Variants in XPO4 observed in about 807,000 individuals in gnomAD.
The protein encoded by XPO4 is exportin 4.
Under a neutral mutation model 143.0 loss-of-function variants are expected in XPO4, and 39 were observed. That is an observed-to-expected ratio of 0.27 (90% CI 0.21 to 0.36). The LOEUF (loss-of-function observed/expected upper bound fraction) is 0.36. XPO4 is among the 10% of genes least tolerant of loss of function. The probability of loss-of-function intolerance (pLI) is 1.00; values close to 1 mark genes in which losing one functional copy is unlikely to be tolerated. For synonymous variants in XPO4, 439 were observed against 474.0 expected (o/e 0.93, Z 0.96); for missense variants, 907 against 1,348.0 (o/e 0.67, Z 5.12).
At chr13:20,843,098 G>A (rs1447207568) in intron 5 of XPO4, 50 bp from the exon 6 acceptor site, 2 of 1,498,346 alleles carry the variant, frequency 1.3e-6, no homozygotes, top group Non-Finnish European at 1.8e-6. Flanking sequence ...TATTCAAAAT[G>A]TATCCCCTTT....
intron 22 of XPO4, among the ~76,000 whole-genome samples, chr13:20,785,639 T>A: frequency 6.7e-6 from 1 of 149,728 alleles, no homozygotes; most frequent in Non-Finnish European, 1.5e-5. Context: ...CACTCCAGCC[T>A]GGGTAATAAT....
rs188913496 is a variant in XPO4 at position 20,819,119 on chromosome 13, G to A, written c.1173+2585C>T. On this transcript the variant is annotated intron_variant, in intron 9 of 22. Coordinates refer to ENST00000255305, the MANE Select transcript of XPO4 (RefSeq NM_022459.5). ...ATTACAGGCGTGAGCCACTGAGCCC[G>A]GCCTATACAGGTACTTTTCATGCAG... 3.9e-5 allele frequency among the ~76,000 whole-genome samples: 6 copies of A among 152,222 alleles called. No individual in the cohort carries two copies. The East Asian group carries it at 7.7e-4, about 20-fold the overall frequency.
intron 4 of XPO4, chr13:20,850,456 T>A (rs191925012): frequency 2.0e-5 from 4 of 195,342 alleles, no homozygotes; most frequent in Admixed American, 6.5e-5. Context: ...AATGCAAACA[T>A]GAGACTAGTA....
At chr13:20,870,389 G>A (rs1178637153) in intron 1 of XPO4, among the ~76,000 whole-genome samples, 4 of 151,686 alleles carry the variant, frequency 2.6e-5, no homozygotes, top group African/African-American at 4.8e-5. Context: ...CTGAGATCCC[G>A]CTGCTGCACA....
At chr13:20,870,736 A>AC in intron 1 of XPO4, among the ~76,000 whole-genome samples, 1 of 152,032 alleles carries the variant, frequency 6.6e-6, no homozygotes, top group East Asian at 1.9e-4. Context: ...CCTCAAAAAA[A>AC]AAAAAAACTG....
chr13:20,787,355 C>T (rs1016252612), intron 21 of XPO4, 126 bp downstream of exon 21: 6 of 879,894 alleles, frequency 6.8e-6, no homozygotes, highest in African/African-American at 6.7e-5. Context: ...AAACAGTGAA[C>T]AGGAAGTCAT....
intron 4 of XPO4, chr13:20,852,422 C>T: frequency 3.0e-6 from 3 of 985,318 alleles, no homozygotes; most frequent in Non-Finnish European, 3.6e-6. Context: ...CTTCTTTTTC[C>T]CCAGGCTATC....
At chr13:20,818,360 T>C (rs2059676333) in intron 9 of XPO4, among the ~76,000 whole-genome samples, 1 of 152,214 alleles carries the variant, frequency 6.6e-6, no homozygotes, top group Admixed American at 6.5e-5. Flanking sequence ...GCAAGGTGGC[T>C]TTATGACATG....
intron 6 of XPO4, among the ~76,000 whole-genome samples, chr13:20,832,037 C>A (rs2059859679): frequency 6.6e-6 from 1 of 152,106 alleles, no homozygotes; most frequent in South Asian, 2.1e-4. Context: ...CCACAACAAT[C>A]CTATCTAGCT....
chr13:20,859,296 C>A (rs1300722039), intron 3 of XPO4, among the ~76,000 whole-genome samples: 1 of 151,498 alleles, frequency 6.6e-6, no homozygotes, highest in Non-Finnish European at 1.5e-5. Context: ...CTGAAACCAT[C>A]TCTACTAAAA....
At chr13:20,820,205 T>A (rs948714192) in intron 9 of XPO4, among the ~76,000 whole-genome samples, 7 of 152,356 alleles carry the variant, frequency 4.6e-5, no homozygotes, top group African/African-American at 1.7e-4. Context: ...ACAACACACA[T>A]CTGCTTCTCT....
At chr13:20,819,903 TAGG>T (rs1419712079) in intron 9 of XPO4, among the ~76,000 whole-genome samples, 1 of 152,176 alleles carries the variant, frequency 6.6e-6, no homozygotes, top group African/African-American at 2.4e-5. Context: ...AGATGACATT[TAGG>T]AGGTTTACTC....
At chr13:20,831,266 T>C (rs543051742) in intron 6 of XPO4, among the ~76,000 whole-genome samples, 2 of 152,296 alleles carry the variant, frequency 1.3e-5, no homozygotes, top group Admixed American at 6.5e-5. Flanking sequence ...TAAAGCAAGA[T>C]GTTCATTTAA....
intron 6 of XPO4, among the ~76,000 whole-genome samples, chr13:20,838,209 T>C (rs1049257508): frequency 6.6e-6 from 1 of 152,252 alleles, no homozygotes; most frequent in Admixed American, 6.5e-5. Context: ...CTCTGCATTA[T>C]TTTGTCAGTA....
At chr13:20,852,541 T>C (rs1208613199) in intron 4 of XPO4, 1 of 985,170 alleles carries the variant, frequency 1.0e-6, no homozygotes, top group Non-Finnish European at 1.2e-6. Flanking sequence ...TAGACACTGC[T>C]GAAGCATCAG....
intron 1 of XPO4, among the ~76,000 whole-genome samples, chr13:20,871,897 G>A (rs867902279): frequency 6.6e-6 from 1 of 152,038 alleles, no homozygotes; most frequent in East Asian, 1.9e-4. Flanking sequence ...TCTAAAAGTT[G>A]ATTTATATTA....
chr13:20,843,311 G>A (rs534733438), intron 5 of XPO4, among the ~76,000 whole-genome samples: 2 of 152,294 alleles, frequency 1.3e-5, no homozygotes, highest in South Asian at 4.1e-4. Context: ...GGAGCCAGAG[G>A]AGTCAGTTGC....
chr13:20,851,053 C>T (rs2060079921), intron 4 of XPO4: 1 of 985,304 alleles, frequency 1.0e-6, no homozygotes, highest in Non-Finnish European at 1.2e-6. Context: ...TTATCATTCT[C>T]CTTTCTTACA....
At chr13:20,896,563 C>A (rs1566632906) in intron 1 of XPO4, among the ~76,000 whole-genome samples, 1 of 152,204 alleles carries the variant, frequency 6.6e-6, no homozygotes, top group East Asian at 1.9e-4. Flanking sequence ...AATCTTGCAA[C>A]CCATTTATTT....
Sources: gnomAD v4.1 joint callset for allele counts (sites outside exome capture counted in the v4.1 genomes callset) on GRCh38, gnomAD v4.1.1 for gene constraint, MANE v1.5 for transcripts, NCBI Gene and HGNC (gene_info 2026-07-23, HGNC 2026-07-21) for gene names.